CACNB2: variants seen among roughly 807,000 people sequenced by gnomAD.
CACNB2 encodes the protein voltage-dependent L-type calcium channel subunit beta-2.
Under a neutral mutation model 73.3 loss-of-function variants are expected in CACNB2, and 42 were observed. That is an observed-to-expected ratio of 0.57 (90% CI 0.45 to 0.74). The LOEUF is 0.74. Among genes scored for constraint, CACNB2 ranks in the 30% least tolerant of loss-of-function variants. The probability of loss-of-function intolerance (pLI) is 0.00; values close to 1 mark genes in which losing one functional copy is unlikely to be tolerated. For missense variants in CACNB2, 940 were observed against 853.0 expected, an observed-to-expected ratio of 1.10 and a Z score of -1.27; for synonymous variants, 348 against 310.3, an observed-to-expected ratio of 1.12 and a Z score of -1.28.
At chr10:18,490,319 G>T (rs1158605481) in intron 3 of CACNB2, among the ~76,000 whole-genome samples, 1 of 152,174 alleles carries the variant, frequency 6.6e-6, no homozygotes, top group Non-Finnish European at 1.5e-5. Flanking sequence ...CAAAAAGGGG[G>T]CTACAATGCA....
chr10:18,482,970 C>G (rs1328203304), intron 3 of CACNB2, among the ~76,000 whole-genome samples: 4 of 152,182 alleles, frequency 2.6e-5, no homozygotes, highest in South Asian at 2.1e-4. Context: ...CTCATCTGTG[C>G]CTTCCTCCCG....
intron 3 of CACNB2, among the ~76,000 whole-genome samples, chr10:18,452,735 T>C (rs2047074493): frequency 6.6e-6 from 1 of 152,208 alleles, no homozygotes; most frequent in Admixed American, 6.5e-5. Context: ...ACAGAAGTTC[T>C]CTACCTAGGA....
intron 2 of CACNB2, among the ~76,000 whole-genome samples, chr10:18,207,066 T>G (rs2131335551): frequency 6.6e-6 from 1 of 152,306 alleles, no homozygotes; most frequent in South Asian, 2.1e-4. Flanking sequence ...TGGAGTGCTG[T>G]GGCATGATCT....
At chr10:18,372,641 A>G (rs1031898112) in intron 2 of CACNB2, among the ~76,000 whole-genome samples, 4 of 152,204 alleles carry the variant, frequency 2.6e-5, no homozygotes, top group Non-Finnish European at 5.9e-5. Context: ...TTCTGACCTC[A>G]GGTCATCCAC....
chr10:18,160,350 T>A (rs2032368364), intron 2 of CACNB2, among the ~76,000 whole-genome samples: 1 of 152,188 alleles, frequency 6.6e-6, no homozygotes, highest in Non-Finnish European at 1.5e-5. Context: ...TACATCATTT[T>A]AAAACCAAGA....
intron 9 of CACNB2, chr10:18,520,020 T>A: frequency 6.9e-6 from 2 of 290,448 alleles, no homozygotes; most frequent in South Asian, 6.5e-5. Context: ...TACTTCCTCA[T>A]CAACTGGAAA....
intron 2 of CACNB2, among the ~76,000 whole-genome samples, chr10:18,390,642 T>C (rs1160162176): frequency 6.8e-6 from 1 of 147,978 alleles, no homozygotes; most frequent in Non-Finnish European, 1.5e-5. Flanking sequence ...CTCCCTGTAT[T>C]GGCTTGATTT....
At chr10:18,477,313 A>G (rs925540292) in intron 3 of CACNB2, among the ~76,000 whole-genome samples, 3 of 152,174 alleles carry the variant, frequency 2.0e-5, no homozygotes, top group Non-Finnish European at 2.9e-5. Flanking sequence ...ATCTTGTTTT[A>G]TCAGCAAGGT....
chr10:18,247,032 T>C (rs934301897), intron 2 of CACNB2, among the ~76,000 whole-genome samples: 1 of 152,192 alleles, frequency 6.6e-6, no homozygotes, highest in Non-Finnish European at 1.5e-5. Context: ...GCCTCGCAGT[T>C]GTAAGGCATA....
chr10:18,518,422 T>C lies in CACNB2; in HGVS notation c.885+6T>C. 2 of 1,590,178 alleles carry C rather than the reference T, an allele frequency of 1.3e-6. No individual in the cohort carries two copies. The highest frequency in any genetic ancestry group is 1.7e-6 in the Non-Finnish European group (2 of 1,158,416). On this transcript the variant is annotated splice_donor_region_variant and intron_variant, in intron 8 of 13. Transcript: ENST00000324631. ...CTTCTCTGAAGGGCTACGAGGTGGG[T>C]AGCAGCCTTCCACAGGAAGCTTAAC...
chr10:18,484,881 G>A (rs1380267134), intron 3 of CACNB2, among the ~76,000 whole-genome samples: 6 of 152,054 alleles, frequency 3.9e-5, no homozygotes, highest in African/African-American at 7.2e-5. Context: ...CTGGCTGGGC[G>A]CGATGGCTCA....
At chr10:18,492,943 C>T (rs746334977) in intron 3 of CACNB2, among the ~76,000 whole-genome samples, 5 of 152,046 alleles carry the variant, frequency 3.3e-5, no homozygotes, top group Non-Finnish European at 7.3e-5. Context: ...TTAATAAGCA[C>T]TTACTGTATA....
chr10:18,245,192 A>T (rs2036813226), intron 2 of CACNB2, among the ~76,000 whole-genome samples: 1 of 152,202 alleles, frequency 6.6e-6, no homozygotes, highest in Non-Finnish European at 1.5e-5. Context: ...AATTTGTTAA[A>T]GCAGCAATAG....
At chr10:18,416,470 G>A (rs2044970367) in intron 3 of CACNB2, among the ~76,000 whole-genome samples, 1 of 152,190 alleles carries the variant, frequency 6.6e-6, no homozygotes, top group African/African-American at 2.4e-5. Flanking sequence ...AGGCTGGAGT[G>A]CATTGGCACG....
At chr10:18,488,271 C>G (rs2049178777) in intron 3 of CACNB2, among the ~76,000 whole-genome samples, 1 of 151,070 alleles carries the variant, frequency 6.6e-6, no homozygotes, top group East Asian at 2.0e-4. Flanking sequence ...GTCAGGAGAT[C>G]GAGACCATCC....
At chr10:18,424,323 T>C (rs1039676837) in intron 3 of CACNB2, among the ~76,000 whole-genome samples, 1 of 152,102 alleles carries the variant, frequency 6.6e-6, no homozygotes, top group Non-Finnish European at 1.5e-5. Flanking sequence ...AGGGGAGTTT[T>C]GCAGTCGTAT....
intron 3 of CACNB2, among the ~76,000 whole-genome samples, chr10:18,454,040 C>G (rs2132628328): frequency 6.6e-6 from 1 of 152,266 alleles, no homozygotes. Context: ...CAGCGCCTTT[C>G]CCACAATAGG....
rs1274917262 is a variant in CACNB2 at position 18,543,116 on chromosome 10, A to T, written c.*3392A>T. 1 of 152,174 alleles carries T rather than the reference A, an allele frequency of 6.6e-6. No individual in the cohort carries two copies. Among genetic ancestry groups the T allele is most frequent in the East Asian group, 1.9e-4 (1 of 5,192 alleles). The allele number at this position is 152,174 out of a possible 1,614,324, so 9.4% of individuals were successfully genotyped here. A position where few individuals can be genotyped will look rare whatever the true frequency, so the allele number is the denominator to read the frequency against. ...ACCTGGTTTAAAGTAATTCATATAA[A>T]ACAAATAAAGAGCTGGCTTCTGCAC... On this transcript the variant is annotated 3_prime_UTR_variant, in exon 14 of 14. Coordinates refer to ENST00000324631, the MANE Select transcript of CACNB2 (RefSeq NM_201596.3).
chr10:18,262,019 A>G (rs767151511), intron 2 of CACNB2: 1 of 518,878 alleles, frequency 1.9e-6, no homozygotes, highest in South Asian at 1.4e-5. Flanking sequence ...CTTGATTTTC[A>G]TACTCCTTTT....
Sources: allele counts gnomAD v4.1 joint callset (sites outside exome capture counted in the v4.1 genomes callset), GRCh38; gene constraint gnomAD v4.1.1; transcripts MANE v1.5; gene names NCBI Gene and HGNC (gene_info 2026-07-23, HGNC 2026-07-21).